Variants in COX20 observed in about 807,000 individuals in gnomAD.
COX20 encodes the protein cytochrome c oxidase assembly protein COX20, mitochondrial.
COX20 carries 14 observed loss-of-function variants against 14.3 expected under a neutral mutation model. That is an observed-to-expected ratio of 0.98 (90% CI 0.65 to 1.53). The LOEUF (loss-of-function observed/expected upper bound fraction) is 1.53. Among genes scored for constraint, COX20 ranks in the 40% most tolerant of loss-of-function variants. COX20 has a pLI of 0.00. For synonymous variants in COX20, 56 were observed against 51.7 expected (o/e 1.08, Z -0.36); for missense variants, 149 against 142.1 (o/e 1.05, Z -0.25).
intron 1 of COX20, among the ~76,000 whole-genome samples, chr1:244,838,842 G>C (rs150132292): frequency 0.023 from 3,555 of 152,214 alleles, 151 homozygotes; most frequent in African/African-American, 0.082. Flanking sequence ...GCCCAGGCTG[G>C]AGTGCAGTGG....
rs755934016 is a variant in COX20, at chr1:244,841,912, TACTC to T, written c.43-30_43-27del. 7.5e-6 allele frequency: 10 copies of T among 1,326,152 alleles called. No individual in the cohort carries two copies. In the East Asian group the frequency reaches 1.8e-4, roughly 24 times the overall value. 82.1% of individuals were successfully genotyped at this position (1,326,152 alleles called of 1,614,324 possible). ...AGCACCCCAAAATGAAATACTTTCTTACTCAATCTAGGTTCTTTTTTTTCATTCT... is the reference window on the plus strand; with the variant it reads ...AGCACCCCAAAATGAAATACTTTCTTAATCTAGGTTCTTTTTTTTCATTCT... On this transcript the variant is annotated intron_variant, in intron 1 of 3. Coordinates refer to ENST00000411948, the MANE Select transcript of COX20 (RefSeq NM_198076.6).
intron 1 of COX20, chr1:244,839,855 C>T (rs1455965461): frequency 6.6e-6 from 1 of 152,204 alleles, no homozygotes; most frequent in Non-Finnish European, 1.5e-5. Context: ...TGACTTCTGC[C>T]TCCACTCCTG....
At chr1:244,842,284 A>G (rs1680239519) in intron 3 of COX20, 26 bp downstream of exon 3, 2 of 1,485,864 alleles carry the variant, frequency 1.3e-6, no homozygotes, top group Non-Finnish European at 1.9e-6. Flanking sequence ...ATTCAAGAAC[A>G]TCCATGATTA....
upstream of COX20, chr1:244,835,545 T>G (rs1401473048): frequency 2.0e-4 from 84 of 416,782 alleles, no homozygotes; most frequent in Non-Finnish European, 6.9e-5. Flanking sequence ...CCCGGCCCCG[T>G]GCGGCCACTG....
chr1:244,836,317 C>G (rs1029544241), intron 1 of COX20, among the ~76,000 whole-genome samples: 1 of 152,160 alleles, frequency 6.6e-6, no homozygotes, highest in Non-Finnish European at 1.5e-5. Flanking sequence ...AGCCTGTAAA[C>G]TGGACAGTTT....
chr1:244,840,552 C>T (rs1001851275), intron 1 of COX20: 1 of 152,232 alleles, frequency 6.6e-6, no homozygotes, highest in Non-Finnish European at 1.5e-5. Context: ...ATGTGAAGAA[C>T]TGTACTGCAA....
Position 244,843,402 on chromosome 1 carries a change from A to G in COX20, c.*226A>G. ...GTGGACTTGTCATCCTTAAAATGTG[A>G]ACAGAATTTATTGGCAGTGTGGCAA... On this transcript the variant is annotated 3_prime_UTR_variant, in exon 4 of 4. Transcript: ENST00000411948. 2.1e-6 allele frequency: 1 copy of G among 483,616 alleles called. No individual in the cohort carries two copies. 30.0% of individuals were successfully genotyped at this position (483,616 alleles called of 1,614,324 possible). A position where few individuals can be genotyped will look rare whatever the true frequency, so the allele number is the denominator to read the frequency against.
upstream of COX20, chr1:244,835,609 G>A: frequency 2.3e-6 from 2 of 865,630 alleles, no homozygotes; most frequent in Middle Eastern, 3.9e-4. Flanking sequence ...GAACAGGGCG[G>A]GAGGCGGCGG....
At chr1:244,836,646 A>G (rs1679996079) in intron 1 of COX20, 3 of 778,220 alleles carry the variant, frequency 3.9e-6, no homozygotes, top group Non-Finnish European at 6.1e-6. Flanking sequence ...AGTTTAATAT[A>G]AACTAGGGAG....
chr1:244,842,986 A>C, intron 3 of COX20, 55 bp from the exon 4 acceptor site: 3 of 1,299,430 alleles, frequency 2.3e-6, no homozygotes, highest in Non-Finnish European at 3.1e-6. Flanking sequence ...AATTTCATAA[A>C]TTAATTTCTG....
chr1:244,842,101 C>G (rs199645809), intron 2 of COX20, 43 bp downstream of exon 2: 380 of 1,503,986 alleles, frequency 2.5e-4, no homozygotes, highest in Middle Eastern at 1.6e-3. Context: ...CTAAAAAAAG[C>G]ATTTCTCTAC....
intron 1 of COX20, among the ~76,000 whole-genome samples, chr1:244,838,538 A>G (rs1234546859): frequency 6.6e-6 from 1 of 152,242 alleles, no homozygotes; most frequent in Non-Finnish European, 1.5e-5. Flanking sequence ...GAAGCCAAGT[A>G]AAAGTAAAAA....
intron 1 of COX20, among the ~76,000 whole-genome samples, chr1:244,838,307 G>A (rs1680063163): frequency 6.6e-6 from 1 of 152,182 alleles, no homozygotes; most frequent in South Asian, 2.1e-4. Context: ...ACATAAAAGT[G>A]TCATTCATTA....
At chr1:244,836,642 A>C in intron 1 of COX20, 2 of 833,910 alleles carry the variant, frequency 2.4e-6, no homozygotes, top group Non-Finnish European at 3.8e-6. Context: ...AAAAAGTTTA[A>C]TATAAACTAG....
intron 1 of COX20, among the ~76,000 whole-genome samples, chr1:244,836,276 C>T (rs1031021737): frequency 6.6e-6 from 1 of 152,170 alleles, no homozygotes; most frequent in Non-Finnish European, 1.5e-5. Flanking sequence ...CTCCTGAATC[C>T]ACCTTCCACT....
intron 1 of COX20, chr1:244,840,791 T>C (rs559908126): frequency 2.6e-5 from 4 of 152,324 alleles, no homozygotes; most frequent in Middle Eastern, 3.4e-3. Context: ...TTACTATCCT[T>C]TCCCCATTTC....
intron 1 of COX20, among the ~76,000 whole-genome samples, chr1:244,837,006 A>C (rs572240659): frequency 1.4e-4 from 21 of 152,146 alleles, no homozygotes; most frequent in African/African-American, 4.8e-4. Flanking sequence ...TAAATCCTAG[A>C]TTCAGTTTTG....
At chr1:244,835,626 G>A (rs1573305996), upstream of COX20, 2 of 1,046,764 alleles carry the variant, frequency 1.9e-6, no homozygotes, top group Non-Finnish European at 2.4e-6. Context: ...GCGGCGCGTG[G>A]GGGCGGGACG....
At chr1:244,836,087 T>C (rs1212015692) in intron 1 of COX20, among the ~76,000 whole-genome samples, 1 of 152,216 alleles carries the variant, frequency 6.6e-6, no homozygotes. Context: ...TAAAGGCTAA[T>C]AGTAGAGATT....
Sources: gnomAD v4.1 joint callset for allele counts (sites outside exome capture counted in the v4.1 genomes callset) on GRCh38, gnomAD v4.1.1 for gene constraint, MANE v1.5 for transcripts, NCBI Gene and HGNC (gene_info 2026-07-23, HGNC 2026-07-21) for gene names.